Variants in STK39 observed in about 807,000 individuals in gnomAD.
The protein encoded by STK39 is STE20/SPS1-related proline-alanine-rich protein kinase.
A neutral mutation model predicts 77.8 loss-of-function variants in STK39; 20 were observed. That is an observed-to-expected ratio of 0.26 (90% CI 0.18 to 0.37). STK39 has a LOEUF of 0.37. Among genes scored for constraint, STK39 ranks in the 10% least tolerant of loss-of-function variants. The probability of loss-of-function intolerance (pLI) is 1.00; values close to 1 mark genes in which losing one functional copy is unlikely to be tolerated. For missense variants in STK39, 479 were observed against 656.5 expected (o/e 0.73, Z 2.95); for synonymous variants, 246 against 234.1 (o/e 1.05, Z -0.47).
chr2:168,003,086 C>T (rs1367276914), intron 16 of STK39, among the ~76,000 whole-genome samples: 3 of 152,168 alleles, frequency 2.0e-5, no homozygotes, highest in Admixed American at 2.0e-4. Context: ...TGGGTTGAAA[C>T]GATTCTCCTG....
At chr2:167,977,521 G>T (rs182283138) in intron 16 of STK39, among the ~76,000 whole-genome samples, 74 of 148,758 alleles carry the variant, frequency 5.0e-4, no homozygotes, top group Non-Finnish European at 8.9e-4. Context: ...TGTTTACCAG[G>T]AATACCCAGA....
At chr2:168,032,372 C>T (rs11680824) in intron 14 of STK39, among the ~76,000 whole-genome samples, 1 of 152,012 alleles carries the variant, frequency 6.6e-6, no homozygotes, top group Non-Finnish European at 1.5e-5. Flanking sequence ...GAATAAGCAA[C>T]ACCCAGGGGT....
chr2:168,119,141 G>C (rs1396952684), intron 10 of STK39, among the ~76,000 whole-genome samples: 1 of 152,178 alleles, frequency 6.6e-6, no homozygotes, highest in African/African-American at 2.4e-5. Context: ...TTTTAAGCGA[G>C]AGGATGGGAA....
intron 1 of STK39, among the ~76,000 whole-genome samples, chr2:168,187,515 T>C (rs1029667300): frequency 3.9e-5 from 6 of 152,202 alleles, no homozygotes; most frequent in African/African-American, 1.4e-4. Flanking sequence ...ACTTCACTCA[T>C]AGAGTGGTTG....
At chr2:168,043,555 G>A (rs766531767) in intron 14 of STK39, among the ~76,000 whole-genome samples, 1 of 152,210 alleles carries the variant, frequency 6.6e-6, no homozygotes, top group Non-Finnish European at 1.5e-5. Flanking sequence ...AATTTTCTCT[G>A]CAAATTCTCC....
In STK39 at chr2:167,954,961, G is replaced by C. The variant is rs1691725328; in HGVS notation, c.*535C>G. On this transcript the variant is annotated 3_prime_UTR_variant, in exon 18 of 18. Transcript: ENST00000355999. ...AAATATATGAAAAATAAAATTCACA[G>C]TCAGTTTTAAAACTAGAATTCAAGT... The C allele has an allele frequency of 6.6e-6, 1 of 152,490 alleles. No homozygotes were observed. Among genetic ancestry groups the C allele is most frequent in the South Asian group, 2.1e-4 (1 of 4,830 alleles). 9.4% of individuals were successfully genotyped at this position (152,490 alleles called of 1,614,324 possible). A position where few individuals can be genotyped will look rare whatever the true frequency, so the allele number is the denominator to read the frequency against.
intron 5 of STK39, among the ~76,000 whole-genome samples, chr2:168,141,424 T>G (rs1376058567): frequency 6.6e-6 from 1 of 152,234 alleles, no homozygotes; most frequent in Non-Finnish European, 1.5e-5. Context: ...TTTCAGAATT[T>G]GGAACATTTG....
At chr2:168,019,765 A>G (rs1684524885) in intron 14 of STK39, among the ~76,000 whole-genome samples, 1 of 152,128 alleles carries the variant, frequency 6.6e-6, no homozygotes, top group Admixed American at 6.6e-5. Flanking sequence ...ATGCAGTGGC[A>G]AGATCTTGGC....
At chr2:168,211,768 G>C (rs945955796) in intron 1 of STK39, among the ~76,000 whole-genome samples, 2 of 152,184 alleles carry the variant, frequency 1.3e-5, no homozygotes, top group Non-Finnish European at 2.9e-5. Context: ...TGTCAGTGTA[G>C]CTGTGTGCAA....
chr2:168,008,112 G>A (rs922865324), intron 16 of STK39, among the ~76,000 whole-genome samples: 1 of 151,996 alleles, frequency 6.6e-6, no homozygotes, highest in African/African-American at 2.4e-5. Context: ...TGCCTACTCT[G>A]GACATTTCAT....
intron 12 of STK39, among the ~76,000 whole-genome samples, chr2:168,072,327 C>T (rs1003141465): frequency 2.0e-5 from 3 of 152,172 alleles, no homozygotes; most frequent in East Asian, 3.9e-4. Context: ...AGGATAAAAG[C>T]GGTCTTTCAG....
At position 168,063,387 on chromosome 2, in the gene STK39, T is replaced by C. The variant is rs1243527087; in HGVS notation, c.1376+113A>G. 3 of 940,492 alleles carry C rather than the reference T, an allele frequency of 3.2e-6. No individual in the cohort carries two copies. In the East Asian group the frequency reaches 8.0e-5, roughly 25 times the overall value. The allele number at this position is 940,492 out of a possible 1,614,324, so 58.3% of individuals were successfully genotyped here. Reference sequence around the variant, plus strand: ...AGCATACACTCATGGTTCGGGGAAATCAAATAAGCTAACGATTCTATTTTA... The same window carrying C: ...AGCATACACTCATGGTTCGGGGAAACCAAATAAGCTAACGATTCTATTTTA... On this transcript the variant is annotated intron_variant, in intron 14 of 17. Coordinates refer to ENST00000355999, the MANE Select transcript of STK39 (RefSeq NM_013233.3).
At chr2:168,147,734 C>T (rs1007364824) in intron 5 of STK39, among the ~76,000 whole-genome samples, 15 of 152,188 alleles carry the variant, frequency 9.9e-5, no homozygotes, top group Admixed American at 8.5e-4. Context: ...TATGACATGA[C>T]CTAAACAACA....
intron 1 of STK39, among the ~76,000 whole-genome samples, chr2:168,243,364 T>C (rs1418758704): frequency 6.6e-6 from 1 of 152,174 alleles, no homozygotes; most frequent in Non-Finnish European, 1.5e-5. Context: ...CCTGAATGGA[T>C]AAACAATGCC....
chr2:168,074,516 A>C (rs992907177), intron 12 of STK39, among the ~76,000 whole-genome samples: 1 of 152,224 alleles, frequency 6.6e-6, no homozygotes, highest in Non-Finnish European at 1.5e-5. Context: ...TATTTGGAAG[A>C]TTTAAAAACC....
intron 10 of STK39, among the ~76,000 whole-genome samples, chr2:168,126,954 G>A (rs569596321): frequency 1.4e-4 from 21 of 152,198 alleles, no homozygotes; most frequent in Admixed American, 3.3e-4. Flanking sequence ...TGAGCTGTGC[G>A]GCCACCTTGC....
At chr2:168,033,480 G>A (rs929404706) in intron 14 of STK39, among the ~76,000 whole-genome samples, 1 of 152,162 alleles carries the variant, frequency 6.6e-6, no homozygotes, top group African/African-American at 2.4e-5. Context: ...AGAAGCTGTG[G>A]CCTACTCTGG....
intron 10 of STK39, among the ~76,000 whole-genome samples, chr2:168,121,413 A>AC (rs1687402481): frequency 6.6e-6 from 1 of 152,240 alleles, no homozygotes; most frequent in African/African-American, 2.4e-5. Flanking sequence ...GGCTCTTCAC[A>AC]CATACACGCC....
intron 10 of STK39, among the ~76,000 whole-genome samples, chr2:168,106,018 A>G (rs1333246161): frequency 2.0e-5 from 3 of 152,248 alleles, no homozygotes; most frequent in Non-Finnish European, 4.4e-5. Flanking sequence ...ACTGGAGTGC[A>G]GTGGCGCAAT....
Sources: allele counts gnomAD v4.1 joint callset (sites outside exome capture counted in the v4.1 genomes callset), GRCh38; gene constraint gnomAD v4.1.1; transcripts MANE v1.5; gene names NCBI Gene and HGNC (gene_info 2026-07-23, HGNC 2026-07-21).